TMEM178B: variants seen among roughly 807,000 people sequenced by gnomAD.
The protein encoded by TMEM178B is transmembrane protein 178B.
A neutral mutation model predicts 31.0 loss-of-function variants in TMEM178B; 5 were observed. The observed-to-expected ratio is 0.16, with a 90% CI of 0.08 to 0.34. The LOEUF (loss-of-function observed/expected upper bound fraction) is 0.34, where lower values mean the gene tolerates loss of function less well. Ranked by LOEUF, TMEM178B falls within the 10% of genes least tolerant of loss-of-function variation. The pLI is 1.00. For missense variants in TMEM178B, 275 were observed against 400.3 expected, an observed-to-expected ratio of 0.69 and a Z score of 2.67; for synonymous variants, 164 against 164.0, an observed-to-expected ratio of 1.00 and a Z score of 0.00.
At chr7:141,196,192 A>G (rs1476853326) in intron 1 of TMEM178B, among the ~76,000 whole-genome samples, 1 of 152,166 alleles carries the variant, frequency 6.6e-6, no homozygotes, top group East Asian at 1.9e-4. Context: ...TAATGACTCT[A>G]TAATATTCTA....
intron 3 of TMEM178B, among the ~76,000 whole-genome samples, chr7:141,466,295 C>T (rs1455546381): frequency 6.6e-6 from 1 of 152,192 alleles, no homozygotes; most frequent in Admixed American, 6.5e-5. Context: ...CAGGAAGATT[C>T]CTCATCAACT....
At chr7:141,510,758 A>G in the TMEM178B span, among the ~76,000 whole-genome samples, 4 of 148,540 alleles carry the variant, frequency 2.7e-5, no homozygotes, top group African/African-American at 7.3e-5. Context: ...GATCCAGGCA[A>G]CTCAGGCAAC....
chr7:141,278,993 C>T (rs954493274), intron 2 of TMEM178B, among the ~76,000 whole-genome samples: 2 of 152,120 alleles, frequency 1.3e-5, no homozygotes, highest in Non-Finnish European at 2.9e-5. Flanking sequence ...GATGAGAATC[C>T]ACCAAAATTA....
chr7:141,091,084 T>G (rs772960345), intron 1 of TMEM178B, among the ~76,000 whole-genome samples: 30 of 152,200 alleles, frequency 2.0e-4, no homozygotes, highest in Non-Finnish European at 4.0e-4. Flanking sequence ...AAATATTTCC[T>G]ATGACCCCCA....
At chr7:141,266,649 G>T (rs1798099842) in intron 2 of TMEM178B, among the ~76,000 whole-genome samples, 1 of 152,184 alleles carries the variant, frequency 6.6e-6, no homozygotes, top group Non-Finnish European at 1.5e-5. Flanking sequence ...AGCCACACAT[G>T]TTGCAGCTTC....
intron 1 of TMEM178B, among the ~76,000 whole-genome samples, chr7:141,143,375 A>G (rs935588678): frequency 2.0e-5 from 3 of 152,134 alleles, no homozygotes; most frequent in Non-Finnish European, 2.9e-5. Flanking sequence ...TTTCATCTAT[A>G]TTGAGGTAAT....
intron 2 of TMEM178B, among the ~76,000 whole-genome samples, chr7:141,222,450 T>C (rs1797271948): frequency 6.6e-6 from 1 of 152,202 alleles, no homozygotes; most frequent in Non-Finnish European, 1.5e-5. Flanking sequence ...GTACACTCAT[T>C]TGTAAAGCAG....
chr7:141,391,763 C>G (rs1409749565), intron 2 of TMEM178B, among the ~76,000 whole-genome samples: 6 of 152,088 alleles, frequency 3.9e-5, no homozygotes, highest in African/African-American at 1.4e-4. Flanking sequence ...CTAGGGACCT[C>G]AGATACACGG....
chr7:141,117,869 A>G (rs1288145139), intron 1 of TMEM178B, among the ~76,000 whole-genome samples: 1 of 151,906 alleles, frequency 6.6e-6, no homozygotes, highest in African/African-American at 2.4e-5. Flanking sequence ...ATGGGTCTGT[A>G]TGTCTGTTTT....
the TMEM178B span, among the ~76,000 whole-genome samples, chr7:141,505,969 C>T: frequency 6.6e-6 from 1 of 152,252 alleles, no homozygotes; most frequent in Non-Finnish European, 1.5e-5. Context: ...GTATACCCCT[C>T]TGCTGGTTCA....
chr7:141,378,737 G>A (rs1317282555), intron 2 of TMEM178B, among the ~76,000 whole-genome samples: 2 of 152,208 alleles, frequency 1.3e-5, no homozygotes, highest in African/African-American at 2.4e-5. Context: ...CTCCCTTAGA[G>A]GGGCTATTTT....
chr7:141,129,049 G>A (rs1490989497), intron 1 of TMEM178B, among the ~76,000 whole-genome samples: 4 of 152,184 alleles, frequency 2.6e-5, no homozygotes, highest in African/African-American at 9.7e-5. Context: ...GCAAGACCCT[G>A]TGGTCACATT....
chr7:141,349,563 C>A (rs1052582400), intron 2 of TMEM178B, among the ~76,000 whole-genome samples: 1 of 152,192 alleles, frequency 6.6e-6, no homozygotes, highest in Non-Finnish European at 1.5e-5. Context: ...TCCCTGTATT[C>A]AGGAGCTTGC....
At chr7:141,267,824 A>G (rs1051836072) in intron 2 of TMEM178B, among the ~76,000 whole-genome samples, 2 of 152,276 alleles carry the variant, frequency 1.3e-5, no homozygotes, top group South Asian at 2.1e-4. Context: ...TCCTCATCAT[A>G]TAATTGGGGG....
At chr7:141,157,801 T>A (rs930657885) in intron 1 of TMEM178B, among the ~76,000 whole-genome samples, 7 of 152,234 alleles carry the variant, frequency 4.6e-5, no homozygotes, top group Non-Finnish European at 7.3e-5. Flanking sequence ...TAGTTTCTCC[T>A]TCTTGCTCCT....
the TMEM178B span, among the ~76,000 whole-genome samples, chr7:141,496,993 C>A: frequency 1.6e-4 from 25 of 151,940 alleles, no homozygotes; most frequent in African/African-American, 5.6e-4. Context: ...AAAACAAGTT[C>A]AAAAATCAGG....
intron 1 of TMEM178B, among the ~76,000 whole-genome samples, chr7:141,088,876 T>A (rs1345752104): frequency 2.0e-5 from 3 of 152,248 alleles, no homozygotes; most frequent in Non-Finnish European, 1.5e-5. Context: ...TATAAAACAA[T>A]TCACATCATT....
chr7:141,280,389 A>C (rs1350425366), intron 2 of TMEM178B, among the ~76,000 whole-genome samples: 1 of 152,090 alleles, frequency 6.6e-6, no homozygotes, highest in Non-Finnish European at 1.5e-5. Flanking sequence ...GAGATAACAG[A>C]ATCATGGGGG....
intron 2 of TMEM178B, among the ~76,000 whole-genome samples, chr7:141,228,340 A>G (rs1320625581): frequency 6.6e-6 from 1 of 151,926 alleles, no homozygotes; most frequent in East Asian, 1.9e-4. Flanking sequence ...ACAATTCTCA[A>G]CTTCACTAAT....
Sources: allele counts gnomAD v4.1 joint callset (sites outside exome capture counted in the v4.1 genomes callset), GRCh38; gene constraint gnomAD v4.1.1; transcripts MANE v1.5; gene names NCBI Gene and HGNC (gene_info 2026-07-23, HGNC 2026-07-21).